Variants in AGBL1 observed in about 807,000 individuals in gnomAD.
AGBL1 encodes AGBL carboxypeptidase 1.
In AGBL1, 130 loss-of-function variants were observed where a neutral mutation model predicts 118.9. The ratio of observed to expected loss-of-function variants is 1.09; its 90% CI spans 0.95 to 1.26. The LOEUF is 1.26. Ranked by LOEUF, AGBL1 falls within the 50% of genes most tolerant of loss-of-function variation. The pLI is 0.00. For missense variants in AGBL1, 1,584 were observed against 1,298.1 expected (o/e 1.22, Z -3.38); for synonymous variants, 555 against 478.9 (o/e 1.16, Z -2.08).
intron 1 of AGBL1, among the ~76,000 whole-genome samples, chr15:86,126,921 T>TG (rs1378259364): frequency 6.6e-6 from 1 of 152,212 alleles, no homozygotes; most frequent in Non-Finnish European, 1.5e-5. Context: ...TTTGCTGGGA[T>TG]GAAAATCACA....
intron 22 of AGBL1, among the ~76,000 whole-genome samples, chr15:86,906,052 C>A (rs749807588): frequency 3.3e-5 from 5 of 152,182 alleles, no homozygotes; most frequent in Admixed American, 3.3e-4. Flanking sequence ...TGATTCATTT[C>A]CCGATCTAAC....
chr15:86,598,208 A>G (rs1487968633), intron 21 of AGBL1, among the ~76,000 whole-genome samples: 2 of 152,156 alleles, frequency 1.3e-5, no homozygotes, highest in African/African-American at 2.4e-5. Flanking sequence ...CTTTTTAGTT[A>G]TATCATCATG....
chr15:86,771,065 G>A (rs1272943332), intron 22 of AGBL1, among the ~76,000 whole-genome samples: 1 of 152,022 alleles, frequency 6.6e-6, no homozygotes, highest in Non-Finnish European at 1.5e-5. Context: ...CAGTCTAGAG[G>A]AACTCTAAGG....
At chr15:86,945,715 T>G (rs527882432) in intron 23 of AGBL1, among the ~76,000 whole-genome samples, 10 of 152,288 alleles carry the variant, frequency 6.6e-5, no homozygotes, top group African/African-American at 2.4e-4. Context: ...TTAAAATTGG[T>G]TGACTCATTG....
At chr15:87,016,531 A>C (rs1189271218) in intron 24 of AGBL1, among the ~76,000 whole-genome samples, 3 of 152,234 alleles carry the variant, frequency 2.0e-5, no homozygotes, top group Admixed American at 6.5e-5. Context: ...TTATAAAAGA[A>C]AGTCTAGGAC....
chr15:86,917,428 G>C (rs1379997170), downstream of AGBL1, among the ~76,000 whole-genome samples: 1 of 152,182 alleles, frequency 6.6e-6, no homozygotes, highest in Admixed American at 6.5e-5. This position sits in a 1 kb window ranked among gnomAD's most constrained non-coding sequence, Gnocchi z 4.8. Flanking sequence ...TGGTCATTTA[G>C]GGGAGGATGT....
chr15:86,755,692 T>C (rs1005155016), intron 22 of AGBL1, among the ~76,000 whole-genome samples: 3 of 152,160 alleles, frequency 2.0e-5, no homozygotes, highest in African/African-American at 7.2e-5. Context: ...CTTCATGTAC[T>C]TTCCTGCCTG....
chr15:86,281,519 G>A (rs960075155), intron 16 of AGBL1, among the ~76,000 whole-genome samples: 8 of 152,200 alleles, frequency 5.3e-5, no homozygotes, highest in South Asian at 2.1e-4. Context: ...TGTTCTTTTT[G>A]CTTGTTAGAA....
At chr15:86,850,878 T>C (rs1056065364) in intron 22 of AGBL1, among the ~76,000 whole-genome samples, 1 of 152,188 alleles carries the variant, frequency 6.6e-6, no homozygotes, top group South Asian at 2.1e-4. Flanking sequence ...TTGATAGTAA[T>C]AGGTAATATT....
At chr15:86,482,473 G>T (rs892699102) in intron 18 of AGBL1, among the ~76,000 whole-genome samples, 2 of 152,072 alleles carry the variant, frequency 1.3e-5, no homozygotes, top group African/African-American at 4.8e-5. Context: ...AAAAAATAAT[G>T]ATTTCCCATA....
chr15:86,189,826 G>A (rs1385794162), intron 5 of AGBL1, among the ~76,000 whole-genome samples: 1 of 152,120 alleles, frequency 6.6e-6, no homozygotes, highest in South Asian at 2.1e-4. Context: ...ACACAAATAG[G>A]CTAAGATGTA....
chr15:86,851,681 T>C (rs2079408719), intron 22 of AGBL1, among the ~76,000 whole-genome samples: 1 of 152,148 alleles, frequency 6.6e-6, no homozygotes, highest in Non-Finnish European at 1.5e-5. Context: ...ATAAAGAATC[T>C]GGGCCTAGGC....
intron 21 of AGBL1, among the ~76,000 whole-genome samples, chr15:86,620,838 C>G (rs768045582): frequency 1.1e-4 from 16 of 151,364 alleles, no homozygotes; most frequent in Non-Finnish European, 1.5e-4. Flanking sequence ...CATTGCATGA[C>G]TGGTCTAAAT....
intron 18 of AGBL1, among the ~76,000 whole-genome samples, chr15:86,490,340 TG>T (rs2082763475): frequency 6.6e-6 from 1 of 152,098 alleles, no homozygotes; most frequent in Non-Finnish European, 1.5e-5. Flanking sequence ...TGGGACCTCT[TG>T]TACCTGTAGG....
intron 1 of AGBL1, among the ~76,000 whole-genome samples, chr15:86,084,274 T>A (rs1349103224): frequency 1.3e-5 from 2 of 152,206 alleles, no homozygotes; most frequent in African/African-American, 4.8e-5. Flanking sequence ...TTTGGTGTTT[T>A]GTTTTTTAAG....
In AGBL1 at chr15:86,271,613, G is replaced by A; in HGVS notation, c.1988-6G>A. 1.2e-6 allele frequency: 2 copies of A among 1,602,358 alleles called. No homozygotes were observed. The highest frequency in any genetic ancestry group is 1.1e-5 in the South Asian group (1 of 90,788). On this transcript the variant is annotated splice_polypyrimidine_tract_variant and splice_region_variant and intron_variant, in intron 14 of 22. Transcript: ENST00000614907. ...CATGGATTAATTCCTTTCTGATTTT[G>A]TGTAGGGATGCAGCCCACCCTATAT...
At chr15:86,719,672 T>C (rs2086688191) in intron 22 of AGBL1, among the ~76,000 whole-genome samples, 1 of 152,126 alleles carries the variant, frequency 6.6e-6, no homozygotes, top group South Asian at 2.1e-4. Context: ...CTTTTTATCC[T>C]CAATTAAGAT....
chr15:86,619,600 G>A (rs144256600), intron 21 of AGBL1, among the ~76,000 whole-genome samples: 210 of 152,278 alleles, frequency 1.4e-3, no homozygotes, highest in African/African-American at 5.0e-3. Context: ...AGTCCTATGA[G>A]ATGGGCTGTG....
chr15:86,595,036 C>G (rs552693815), intron 21 of AGBL1, among the ~76,000 whole-genome samples: 2 of 152,284 alleles, frequency 1.3e-5, no homozygotes, highest in African/African-American at 4.8e-5. Flanking sequence ...CAGGACACCA[C>G]CTTTTCTTGA....
Sources: allele counts gnomAD v4.1 joint callset (sites outside exome capture counted in the v4.1 genomes callset), GRCh38; gene constraint gnomAD v4.1.1; non-coding constraint Gnocchi (gnomAD v3.1); transcripts MANE v1.5; gene names NCBI Gene and HGNC (gene_info 2026-07-23, HGNC 2026-07-21).